Variants in CCSER1 observed in about 807,000 individuals in gnomAD.
The protein encoded by CCSER1 is serine-rich coiled-coil domain-containing protein 1.
A neutral mutation model predicts 82.0 loss-of-function variants in CCSER1; 41 were observed. The ratio of observed to expected loss-of-function variants is 0.50; its 90% CI spans 0.39 to 0.65. The LOEUF is 0.65. CCSER1 is among the 30% of genes least tolerant of loss of function. The pLI is 0.00. For synonymous variants in CCSER1, 414 were observed against 383.9 expected, an observed-to-expected ratio of 1.08 and a Z score of -0.92; for missense variants, 1,119 against 1,064.2, an observed-to-expected ratio of 1.05 and a Z score of -0.72.
chr4:90,744,737 A>G (rs1747125556), intron 7 of CCSER1, among the ~76,000 whole-genome samples: 1 of 151,984 alleles, frequency 6.6e-6, no homozygotes. Context: ...ATGAGTGCAA[A>G]CCCTATTGTG....
chr4:90,933,814 G>A (rs904652522), intron 9 of CCSER1, among the ~76,000 whole-genome samples: 1 of 151,352 alleles, frequency 6.6e-6, no homozygotes, highest in Non-Finnish European at 1.5e-5. Context: ...TCAAATAGAT[G>A]AATATTATTT....
chr4:90,215,032 T>G (rs1740770880), intron 1 of CCSER1, among the ~76,000 whole-genome samples: 1 of 152,218 alleles, frequency 6.6e-6, no homozygotes, highest in Non-Finnish European at 1.5e-5. Flanking sequence ...TCATTAATTT[T>G]AAAGAAATGT....
At chr4:91,175,240 G>A (rs527589408) in intron 10 of CCSER1, among the ~76,000 whole-genome samples, 1 of 152,204 alleles carries the variant, frequency 6.6e-6, no homozygotes, top group South Asian at 2.1e-4. Flanking sequence ...CATTTGGGTT[G>A]GTTCCAGGTC....
At chr4:90,522,533 C>T (rs115916154) in intron 5 of CCSER1, among the ~76,000 whole-genome samples, 2 of 152,122 alleles carry the variant, frequency 1.3e-5, no homozygotes, top group African/African-American at 2.4e-5. Flanking sequence ...CATGGCTCCA[C>T]TGACCATCGC....
intron 5 of CCSER1, among the ~76,000 whole-genome samples, chr4:90,605,729 A>G (rs1784617355): frequency 6.6e-6 from 1 of 152,174 alleles, no homozygotes; most frequent in Non-Finnish European, 1.5e-5. Context: ...TGCTTGCTAA[A>G]AATGTAAATG....
intron 10 of CCSER1, among the ~76,000 whole-genome samples, chr4:91,444,692 A>T (rs7437377): frequency 3.3e-5 from 5 of 152,056 alleles, no homozygotes; most frequent in East Asian, 3.9e-4. Flanking sequence ...TCAGGTGACC[A>T]GCCCACCTTG....
At chr4:90,562,190 CA>C (rs35279708) in intron 5 of CCSER1, among the ~76,000 whole-genome samples, 2,567 of 56,976 alleles carry the variant, frequency 0.045, 62 homozygotes, top group African/African-American at 0.1. Context: ...AACTCCATCT[CA>C]AAAAAAAAAA....
At chr4:90,432,506 T>G (rs1477193507) in intron 4 of CCSER1, among the ~76,000 whole-genome samples, 1 of 152,128 alleles carries the variant, frequency 6.6e-6, no homozygotes, top group Non-Finnish European at 1.5e-5. Context: ...TATTTCTTCT[T>G]TTCTTCTTCC....
At chr4:90,604,749 A>G (rs114980738) in intron 5 of CCSER1, among the ~76,000 whole-genome samples, 2,072 of 152,180 alleles carry the variant, frequency 0.014, 54 homozygotes, top group African/African-American at 0.047. Flanking sequence ...CTGTGTGTCT[A>G]GCTCATCTAG....
intron 1 of CCSER1, among the ~76,000 whole-genome samples, chr4:90,249,148 C>T (rs1427079707): frequency 6.6e-6 from 1 of 152,158 alleles, no homozygotes; most frequent in Non-Finnish European, 1.5e-5. Flanking sequence ...CACAGCCCTA[C>T]TCGTATATAA....
chr4:91,378,964 C>T (rs1275476302), intron 10 of CCSER1, among the ~76,000 whole-genome samples: 5 of 152,138 alleles, frequency 3.3e-5, no homozygotes, highest in Admixed American at 6.6e-5. Flanking sequence ...GCATGAAGGG[C>T]TGTTGAATTT....
chr4:90,992,639 C>A (rs1737141219), intron 9 of CCSER1, among the ~76,000 whole-genome samples: 1 of 151,930 alleles, frequency 6.6e-6, no homozygotes, highest in African/African-American at 2.4e-5. Flanking sequence ...ATTATAAGCT[C>A]ATTCATGTTG....
intron 3 of CCSER1, among the ~76,000 whole-genome samples, chr4:90,393,224 G>C (rs573356497): frequency 6.6e-6 from 1 of 152,196 alleles, no homozygotes; most frequent in Non-Finnish European, 1.5e-5. Context: ...AAGTAAAAAG[G>C]CAAATGTAAT....
At chr4:91,006,815 T>C (rs1045169276) in intron 9 of CCSER1, among the ~76,000 whole-genome samples, 1 of 152,206 alleles carries the variant, frequency 6.6e-6, no homozygotes, top group Non-Finnish European at 1.5e-5. Context: ...AGCTATGACT[T>C]CCAGTACTAA....
rs1244186854 is a variant in CCSER1 at position 91,361,488 on chromosome 4, A to G, written c.2218-237084A>G. Among the ~76,000 whole-genome samples the G allele has an allele frequency of 1.7e-4, 26 of 151,832 alleles. 1 individual carries two copies. Among genetic ancestry groups the G allele is most frequent in the Admixed American group, 1.7e-3 (26 of 15,196 alleles). On this transcript the variant is annotated intron_variant, in intron 10 of 10. Coordinates refer to ENST00000509176, the MANE Select transcript of CCSER1 (RefSeq NM_001145065.2). ...ACTAATGTAATAATAATGGGAATGG[A>G]TGAAAGTAAAACAATATGTGACAGG...
chr4:91,466,442 A>G lies in CCSER1; in HGVS notation c.2218-132130A>G, dbSNP rs529779460. On this transcript the variant is annotated intron_variant, in intron 10 of 10. Transcript: ENST00000509176. ...GGAAGCATTCCCTTTGAAAACTGGCACAAGACAGGGATGCCCTCTCTCACC... is the reference window on the plus strand; with the variant it reads ...GGAAGCATTCCCTTTGAAAACTGGCGCAAGACAGGGATGCCCTCTCTCACC... Among the ~76,000 whole-genome samples, 29 of 152,314 alleles carry G rather than the reference A, an allele frequency of 1.9e-4. No homozygotes were observed. The South Asian group carries it at 6.0e-3, about 32-fold the overall frequency.
At chr4:91,142,259 C>G (rs181098753) in intron 10 of CCSER1, among the ~76,000 whole-genome samples, 66 of 152,274 alleles carry the variant, frequency 4.3e-4, no homozygotes, top group African/African-American at 1.5e-3. Flanking sequence ...AACAAGCTCT[C>G]TCTTGCCTGC....
chr4:90,575,008 A>G (rs919944519), intron 5 of CCSER1, among the ~76,000 whole-genome samples: 2 of 150,082 alleles, frequency 1.3e-5, no homozygotes, highest in African/African-American at 2.5e-5. Flanking sequence ...TCAAATTGTT[A>G]TCTACTGCCT....
At chr4:91,398,491 T>A (rs1238548888) in intron 10 of CCSER1, among the ~76,000 whole-genome samples, 1 of 151,892 alleles carries the variant, frequency 6.6e-6, no homozygotes, top group Non-Finnish European at 1.5e-5. Context: ...ATGGTGATGG[T>A]TACTTATTTA....
Sources: allele counts gnomAD v4.1 joint callset (sites outside exome capture counted in the v4.1 genomes callset), GRCh38; gene constraint gnomAD v4.1.1; transcripts MANE v1.5; gene names NCBI Gene and HGNC (gene_info 2026-07-23, HGNC 2026-07-21).